CDCA7L: variants seen among roughly 807,000 people sequenced by gnomAD.
CDCA7L encodes cell division cycle associated 7 like.
Under a neutral mutation model 57.4 loss-of-function variants are expected in CDCA7L, and 44 were observed. That is an observed-to-expected ratio of 0.77 (90% CI 0.60 to 0.98). The LOEUF (loss-of-function observed/expected upper bound fraction) is 0.98, where lower values mean the gene tolerates loss of function less well. CDCA7L is among the 50% of genes least tolerant of loss of function. The pLI, the probability that CDCA7L is intolerant of heterozygous loss-of-function variation, is 0.00. For missense variants in CDCA7L, 644 were observed against 580.6 expected (o/e 1.11, Z -1.12); for synonymous variants, 236 against 202.8 (o/e 1.16, Z -1.39).
intron 7 of CDCA7L, 133 bp downstream of exon 7, chr7:21,905,373 A>T: frequency 5.2e-6 from 5 of 968,120 alleles, no homozygotes; most frequent in Non-Finnish European, 6.1e-6. Flanking sequence ...CTGACTTTTG[A>T]CCCTCCAATT....
At chr7:21,940,230 G>A in intron 1 of CDCA7L, 1 of 661,330 alleles carries the variant, frequency 1.5e-6, no homozygotes, top group Non-Finnish European at 1.9e-6. Context: ...GACTGTTTCA[G>A]GGCCAGGAAA....
At chr7:21,911,079 G>C (rs992938071) in intron 3 of CDCA7L, among the ~76,000 whole-genome samples, 1 of 131,662 alleles carries the variant, frequency 7.6e-6, no homozygotes, top group African/African-American at 3.1e-5. Flanking sequence ...ACCCAGGCTG[G>C]AGTGCAGTGG....
At chr7:21,944,276 TA>T (rs34883298) in intron 1 of CDCA7L, among the ~76,000 whole-genome samples, 87,370 of 135,242 alleles carry the variant, frequency 0.65, 27,803 homozygotes, top group African/African-American at 0.75. Context: ...CTGTCTCTAC[TA>T]AAAAAAAAAA....
intron 1 of CDCA7L, among the ~76,000 whole-genome samples, chr7:21,923,701 C>T (rs748508741): frequency 7.2e-5 from 11 of 152,172 alleles, no homozygotes; most frequent in Non-Finnish European, 1.5e-4. Context: ...AAGGCTTCAG[C>T]TTTAGTGTCT....
chr7:21,914,952 G>C (rs1008477207), intron 2 of CDCA7L, among the ~76,000 whole-genome samples: 2 of 152,158 alleles, frequency 1.3e-5, no homozygotes, highest in African/African-American at 4.8e-5. Flanking sequence ...CGGCCCTTTA[G>C]ACATGTTCTG....
chr7:21,915,536 G>A (rs995162484), intron 2 of CDCA7L, among the ~76,000 whole-genome samples: 5 of 151,212 alleles, frequency 3.3e-5, no homozygotes, highest in African/African-American at 9.7e-5. Context: ...AGTGGCTCAC[G>A]CCTCTAATTC....
At chr7:21,907,520 T>C (rs10238945) in intron 4 of CDCA7L, among the ~76,000 whole-genome samples, 15,889 of 152,268 alleles carry the variant, frequency 0.1, 887 homozygotes, top group Middle Eastern at 0.13. Context: ...TTCTCTACAA[T>C]GATCAGATTA....
intron 3 of CDCA7L, 96 bp downstream of exon 3, chr7:21,911,521 C>A (rs754853154): frequency 6.2e-5 from 87 of 1,405,526 alleles, no homozygotes; most frequent in Non-Finnish European, 8.1e-5. Flanking sequence ...TAAGAAAAAT[C>A]TTTTCACTTG....
intron 1 of CDCA7L, among the ~76,000 whole-genome samples, chr7:21,928,047 A>T (rs1221842991): frequency 6.6e-6 from 1 of 152,166 alleles, no homozygotes; most frequent in African/African-American, 2.4e-5. Context: ...GGGTCAACAG[A>T]CACCTCATAC....
chr7:21,910,209 T>C lies in CDCA7L; in HGVS notation c.303+1408A>G, dbSNP rs138319194. 1.1e-4 allele frequency among the ~76,000 whole-genome samples: 17 copies of C among 152,284 alleles called. No homozygotes were observed. In the East Asian group the frequency reaches 1.7e-3, roughly 16 times the overall value. On this transcript the variant is annotated intron_variant, in intron 3 of 9. Coordinates refer to ENST00000406877, the MANE Select transcript of CDCA7L (RefSeq NM_018719.5). Reference sequence around the variant, plus strand: ...CACTAAAGAACAGAAAATAAGTACATTGCTAACTGATGATGCCCATTAGGG... The same window carrying C: ...CACTAAAGAACAGAAAATAAGTACACTGCTAACTGATGATGCCCATTAGGG...
Position 21,906,216 on chromosome 7 carries a change from CAG to C in CDCA7L, c.921+71_921+72del. The C allele has an allele frequency of 2.1e-6, 3 of 1,434,826 alleles. No individual in the cohort carries two copies. The Admixed American group carries it at 6.4e-5, about 30-fold the overall frequency. The allele number at this position is 1,434,826 out of a possible 1,614,324, so 88.9% of individuals were successfully genotyped here. On this transcript the variant is annotated intron_variant, in intron 6 of 9. Coordinates refer to ENST00000406877, the MANE Select transcript of CDCA7L (RefSeq NM_018719.5). Reference sequence around the variant, plus strand: ...GGGGTCAGAACCAGCCCTGGGGTGACAGTGACGTGCGTTCACGTTTGGAGGGA... The same window carrying C: ...GGGGTCAGAACCAGCCCTGGGGTGACTGACGTGCGTTCACGTTTGGAGGGA...
At chr7:21,930,176 C>A (rs1247023455) in intron 1 of CDCA7L, among the ~76,000 whole-genome samples, 2 of 152,148 alleles carry the variant, frequency 1.3e-5, no homozygotes, top group Non-Finnish European at 2.9e-5. Context: ...CTCAAAACCG[C>A]ACAACTACAT....
intron 1 of CDCA7L, among the ~76,000 whole-genome samples, chr7:21,922,624 C>T (rs1017445833): frequency 2.0e-5 from 3 of 152,126 alleles, no homozygotes; most frequent in Non-Finnish European, 4.4e-5. Flanking sequence ...CAAATATTAC[C>T]AACAGTATTA....
At chr7:21,942,923 T>C (rs974301152) in intron 1 of CDCA7L, among the ~76,000 whole-genome samples, 3 of 152,100 alleles carry the variant, frequency 2.0e-5, no homozygotes, top group Non-Finnish European at 4.4e-5. Context: ...ACCAGAAAAA[T>C]ACCCCTTTAC....
chr7:21,934,635 GGA>G (rs1786109617), intron 1 of CDCA7L, among the ~76,000 whole-genome samples: 1 of 152,078 alleles, frequency 6.6e-6, no homozygotes. Flanking sequence ...CTGGCAGGAA[GGA>G]TTTTTTCAAA....
At chr7:21,916,641 G>A in intron 2 of CDCA7L, 113 bp downstream of exon 2, 2 of 968,408 alleles carry the variant, frequency 2.1e-6, no homozygotes, top group Admixed American at 4.4e-5. Context: ...AAAATAAAAT[G>A]CTAGACAATG....
intron 3 of CDCA7L, among the ~76,000 whole-genome samples, chr7:21,909,288 G>C (rs1012339827): frequency 6.6e-5 from 10 of 152,154 alleles, no homozygotes; most frequent in African/African-American, 2.4e-4. Flanking sequence ...GGGACTCTTA[G>C]CAGTGGTACA....
rs748086892 is a variant in CDCA7L, at chr7:21,906,529, T to C, written c.753+39A>G. The C allele has an allele frequency of 3.7e-6, 6 of 1,612,442 alleles. No homozygotes were observed. In the South Asian group the frequency reaches 6.6e-5, roughly 18 times the overall value. ...AAAGCCGTCTGGTGGCTGATCACCA[T>C]ATATCAGTATTGGTATAATTATAAG... On this transcript the variant is annotated intron_variant, in intron 5 of 9. Coordinates refer to ENST00000406877, the MANE Select transcript of CDCA7L (RefSeq NM_018719.5).
chr7:21,915,039 C>T (rs1299138148), intron 2 of CDCA7L, among the ~76,000 whole-genome samples: 3 of 152,266 alleles, frequency 2.0e-5, no homozygotes, highest in Middle Eastern at 3.4e-3. Flanking sequence ...AGATGGAGGG[C>T]TAAGGGAGGA....
Sources: gnomAD v4.1 joint callset for allele counts (sites outside exome capture counted in the v4.1 genomes callset) on GRCh38, gnomAD v4.1.1 for gene constraint, MANE v1.5 for transcripts, NCBI Gene and HGNC (gene_info 2026-07-23, HGNC 2026-07-21) for gene names.